Variants in FNDC7 observed in about 807,000 individuals in gnomAD.
The protein encoded by FNDC7 is fibronectin type III domain containing 7.
Under a neutral mutation model 74.2 loss-of-function variants are expected in FNDC7, and 66 were observed. The observed-to-expected ratio is 0.89, with a 90% CI of 0.73 to 1.09. FNDC7 has a LOEUF of 1.09. FNDC7 is among the 50% of genes least tolerant of loss of function. The probability of loss-of-function intolerance (pLI) is 0.00; values close to 1 mark genes in which losing one functional copy is unlikely to be tolerated. For synonymous variants in FNDC7, 307 were observed against 330.2 expected, an observed-to-expected ratio of 0.93 and a Z score of 0.76; for missense variants, 829 against 893.4, an observed-to-expected ratio of 0.93 and a Z score of 0.92.
At position 108,722,397 on chromosome 1, in the gene FNDC7, T is replaced by C; in HGVS notation, c.661T>C (p.Ser221Pro). 6.2e-7 allele frequency: 1 copy of C among 1,614,196 alleles called. No individual in the cohort carries two copies. Among genetic ancestry groups the C allele is most frequent in the East Asian group, 2.2e-5 (1 of 44,894 alleles). ...TAGTGGAGCTCTGAAGGCATCTTTTTCCTGGGCACGGGCAGAAGGAGCTTT... is the reference window on the plus strand; with the variant it reads ...TAGTGGAGCTCTGAAGGCATCTTTTCCCTGGGCACGGGCAGAAGGAGCTTT... ...FDSGALKASF[S>P]WARAEGAFNY... The change falls in exon 5 of 13, where the codon TCC becomes CCC. Residue 221 changes from serine to proline, a missense_variant. By Grantham distance (74) the Ser-to-Pro change is moderately conservative (BLOSUM62 -1). Transcript: ENST00000370017.
rs1661112588 is a variant in FNDC7 at position 108,722,380 on chromosome 1, C to A, written c.644C>A (p.Ala215Asp). The A allele has an allele frequency of 1.9e-6, 3 of 1,614,086 alleles. No homozygotes were observed. The highest frequency in any genetic ancestry group is 2.5e-6 in the Non-Finnish European group (3 of 1,179,996). Residue 215 changes from alanine (A) to aspartate (D), a missense_variant, in exon 5 of 13, where the codon GCT becomes GAT. Physicochemically the swap from Ala to Asp is moderately radical, Grantham distance 126. Transcript: ENST00000370017. ...ATTCAAGTCTCTTTCGATAGTGGAG[C>A]TCTGAAGGCATCTTTTTCCTGGGCA... is the stretch of plus-strand genomic sequence containing the variant. ...ANIQVSFDSG[A>D]LKASFSWARA...
At chr1:108,717,419 A>G (rs764686639) in intron 2 of FNDC7, among the ~76,000 whole-genome samples, 2 of 149,368 alleles carry the variant, frequency 1.3e-5, no homozygotes, top group Non-Finnish European at 3.0e-5. Context: ...CAATTGGAGT[A>G]GAATACTCTG....
At chr1:108,741,898 T>A in intron 12 of FNDC7, 27 bp from the exon 13 acceptor site, 1 of 1,290,070 alleles carries the variant, frequency 7.8e-7, no homozygotes, top group Non-Finnish European at 1.1e-6. Context: ...TGTCTTTGTT[T>A]AAAATGTTTT....
At chr1:108,719,779 C>T (rs750471438) in intron 4 of FNDC7, among the ~76,000 whole-genome samples, 22 of 141,224 alleles carry the variant, frequency 1.6e-4, no homozygotes, top group South Asian at 6.9e-4. Flanking sequence ...AGAGAGAGAA[C>T]GAGAGGGGGT....
chr1:108,735,337 C>G (rs893761087), intron 10 of FNDC7, among the ~76,000 whole-genome samples: 1 of 152,138 alleles, frequency 6.6e-6, no homozygotes, highest in African/African-American at 2.4e-5. Flanking sequence ...GTAATGCTAC[C>G]AGAGTTATCA....
rs889790608 is a variant in FNDC7 at position 108,730,692 on chromosome 1, G to A, written c.1643G>A (p.Gly548Asp). 13 of 1,587,530 alleles carry A rather than the reference G, an allele frequency of 8.2e-6. No individual in the cohort carries two copies. In the African/African-American group the frequency reaches 1.3e-4, roughly 16 times the overall value. ...ATTTAAGTGCCATGCTGTCCAACCG[G>A]TCTGACAGTAACTCAAATCACCCAG... Reference protein sequence around the residue: ...PLETVPCCPTGLTVTQITQSV... With the variant: ...PLETVPCCPTDLTVTQITQSV... The change falls in exon 9 of 13, where the codon GGT (glycine) becomes GAT (aspartate). Residue 548 changes from glycine to aspartate, a missense_variant. Physicochemically the swap from Gly to Asp is moderately conservative, Grantham distance 94. Transcript: ENST00000370017.
chr1:108,732,045 G>A (rs913281075), intron 9 of FNDC7, among the ~76,000 whole-genome samples: 6 of 152,172 alleles, frequency 3.9e-5, no homozygotes, highest in African/African-American at 1.4e-4. Context: ...GCTTGCTCAA[G>A]GTATTTAGAA....
chr1:108,732,205 A>G (rs1369685129), intron 9 of FNDC7, among the ~76,000 whole-genome samples: 3 of 152,206 alleles, frequency 2.0e-5, no homozygotes, highest in African/African-American at 7.2e-5. Flanking sequence ...TAAAAATACA[A>G]AAAAATAGCC....
chr1:108,738,859 G>C (rs1341127125), intron 11 of FNDC7, among the ~76,000 whole-genome samples: 1 of 152,116 alleles, frequency 6.6e-6, no homozygotes, highest in Non-Finnish European at 1.5e-5. Flanking sequence ...ACTACAAAAA[G>C]GAACAGACTT....
At chr1:108,721,147 G>A (rs534489210) in intron 4 of FNDC7, among the ~76,000 whole-genome samples, 2 of 152,196 alleles carry the variant, frequency 1.3e-5, no homozygotes, top group Non-Finnish European at 2.9e-5. Flanking sequence ...CTGCCTTACA[G>A]AGAATGAGTT....
chr1:108,730,442 G>T (rs1228043894), intron 8 of FNDC7, among the ~76,000 whole-genome samples: 1 of 151,482 alleles, frequency 6.6e-6, no homozygotes, highest in African/African-American at 2.4e-5. Flanking sequence ...GTGGAAACCT[G>T]CAACAGCCAG....
chr1:108,742,054 G>A lies in FNDC7; in HGVS notation c.*167G>A, dbSNP rs1661661799. The A allele has an allele frequency of 1.8e-6, 1 of 543,242 alleles. No homozygotes were observed. The highest frequency in any genetic ancestry group is 2.1e-5 in the South Asian group (1 of 47,906). 33.7% of individuals were successfully genotyped at this position (543,242 alleles called of 1,614,324 possible). ...CTCTGACTCTGCTTCCTGAGGGCAA[G>A]GTCAGGTGTGTCCTCACCTGCACAG... On this transcript the variant is annotated 3_prime_UTR_variant, in exon 13 of 13. Coordinates refer to ENST00000370017, the MANE Select transcript of FNDC7 (RefSeq NM_001144937.3).
In FNDC7 at chr1:108,728,771, A is replaced by G. The variant is rs527971253; in HGVS notation, c.1509A>G (p.Thr503=). The G allele has an allele frequency of 2.5e-6, 4 of 1,614,286 alleles. No individual in the cohort carries two copies. The highest frequency in any genetic ancestry group is 2.2e-5 in the South Asian group (2 of 91,090). The change falls in exon 8 of 13, where the codon ACA becomes ACG. Residue 503 remains threonine, a synonymous_variant. Coordinates refer to ENST00000370017, the MANE Select transcript of FNDC7 (RefSeq NM_001144937.3). The part of the protein sequence containing the change: ...GEKGLYQCSS[T]GESCTMRGLP... ...AAGGACTGTATCAGTGCAGCAGCAC[A>G]GGAGAGTCCTGCACCATGCGGGGCT...
At chr1:108,730,642 T>C (rs1377502698) in intron 8 of FNDC7, 32 bp from the exon 9 acceptor site, 4 of 1,481,586 alleles carry the variant, frequency 2.7e-6, no homozygotes, top group Non-Finnish European at 3.6e-6. Context: ...TGGAAATAAA[T>C]CTCCAATTCT....
At position 108,713,617 on chromosome 1, in the gene FNDC7, G is replaced by A. The variant is rs1458108137; in HGVS notation, c.82+88G>A. On this transcript the variant is annotated intron_variant, in intron 2 of 12. Transcript: ENST00000370017. Reference sequence around the variant, plus strand: ...TCACGGGCTACCCTGAAATCTAAAGGCTATATGAGAAAAAAAAATTCAATA... The same window carrying A: ...TCACGGGCTACCCTGAAATCTAAAGACTATATGAGAAAAAAAAATTCAATA... 4 of 1,196,452 alleles carry A rather than the reference G, an allele frequency of 3.3e-6. No individual in the cohort carries two copies. In the Admixed American group the frequency reaches 8.2e-5, roughly 24 times the overall value. The allele number at this position is 1,196,452 out of a possible 1,614,324, so 74.1% of individuals were successfully genotyped here. A position where few individuals can be genotyped will look rare whatever the true frequency, so the allele number is the denominator to read the frequency against.
Position 108,717,937 on chromosome 1 carries a change from G to C in FNDC7, c.243G>C (p.Thr81=). The change falls in exon 3 of 13, where the codon ACG becomes ACC. Residue 81 remains threonine, a synonymous_variant. Coordinates refer to ENST00000370017, the MANE Select transcript of FNDC7 (RefSeq NM_001144937.3). ...TTVANSPGTV[T]GLKAATWYEI... is the part of the protein sequence containing the mutation. The stretch of plus-strand genomic sequence containing the variant: ...TGGCCAATTCCCCAGGCACTGTGAC[G>C]GGACTAAAGGCTGCAACCTGGTATG... 1 of 1,551,742 alleles carries C rather than the reference G, an allele frequency of 6.4e-7. No individual in the cohort carries two copies. The highest frequency in any genetic ancestry group is 8.7e-7 in the Non-Finnish European group (1 of 1,147,002).
At position 108,718,974 on chromosome 1, in the gene FNDC7, C is replaced by T; in HGVS notation, c.523C>T (p.Leu175Phe). 1.3e-6 allele frequency: 2 copies of T among 1,552,016 alleles called. No homozygotes were observed. The highest frequency in any genetic ancestry group is 2.7e-5 in the African/African-American group (2 of 73,154). The change falls in exon 4 of 13, where the codon CTC (leucine) becomes TTC (phenylalanine). Residue 175 changes from leucine to phenylalanine, a missense_variant. Transcript: ENST00000370017. Reference sequence around the variant, plus strand: ...ATTCACCAGTTTAGAAGCCGGAACTCTCTACACCATAAAGGCCTATGCATG... The same window carrying T: ...ATTCACCAGTTTAGAAGCCGGAACTTTCTACACCATAAAGGCCTATGCATG... Reference protein sequence around the residue: ...LTFTSLEAGTLYTIKAYAWNA... With the variant: ...LTFTSLEAGTFYTIKAYAWNA...
chr1:108,732,965 G>C (rs1273138853), intron 9 of FNDC7, among the ~76,000 whole-genome samples: 10 of 148,518 alleles, frequency 6.7e-5, no homozygotes, highest in African/African-American at 2.5e-4. Flanking sequence ...GTAGAGTCAG[G>C]GTCTCCCTAT....
intron 4 of FNDC7, among the ~76,000 whole-genome samples, chr1:108,722,031 CT>C (rs1287745610): frequency 6.6e-6 from 1 of 152,038 alleles, no homozygotes; most frequent in Non-Finnish European, 1.5e-5. Flanking sequence ...CAAAATATGT[CT>C]TTTGGCACCT....
Sources: gnomAD v4.1 joint callset for allele counts (sites outside exome capture counted in the v4.1 genomes callset) on GRCh38, gnomAD v4.1.1 for gene constraint, MANE v1.5 for transcripts, NCBI Gene and HGNC (gene_info 2026-07-23, HGNC 2026-07-21) for gene names.